Variants in CHRM3 observed in about 807,000 individuals in gnomAD.
The protein encoded by CHRM3 is muscarinic acetylcholine receptor M3.
A neutral mutation model predicts 41.8 loss-of-function variants in CHRM3; 11 were observed. The ratio of observed to expected loss-of-function variants is 0.26; its 90% CI spans 0.17 to 0.44. The LOEUF (loss-of-function observed/expected upper bound fraction) is 0.44, where lower values mean the gene tolerates loss of function less well. Ranked by LOEUF, CHRM3 falls within the 20% of genes least tolerant of loss-of-function variation. CHRM3 has a pLI of 1.00. For missense variants in CHRM3, 571 were observed against 745.4 expected (o/e 0.77, Z 2.72); for synonymous variants, 297 against 301.4 (o/e 0.99, Z 0.15).
chr1:239,616,024 T>C (rs914262594), intron 3 of CHRM3, among the ~76,000 whole-genome samples: 2 of 152,176 alleles, frequency 1.3e-5, no homozygotes, highest in African/African-American at 2.4e-5. Context: ...AATAGTGTTA[T>C]TTAAAACCAG....
chr1:239,456,125 C>G (rs1418778872), intron 1 of CHRM3, among the ~76,000 whole-genome samples: 3 of 152,082 alleles, frequency 2.0e-5, no homozygotes, highest in Admixed American at 1.3e-4. Context: ...TTCTTTGATA[C>G]TTTTTTTGAG....
intron 3 of CHRM3, among the ~76,000 whole-genome samples, chr1:239,601,079 T>G (rs757198393): frequency 2.6e-5 from 4 of 152,202 alleles, no homozygotes; most frequent in Admixed American, 6.5e-5. Flanking sequence ...AGGAATCCAG[T>G]GGAGAGGATT....
chr1:239,684,880 G>T (rs995940131), intron 5 of CHRM3, among the ~76,000 whole-genome samples: 1 of 152,092 alleles, frequency 6.6e-6, no homozygotes, highest in South Asian at 2.1e-4. Context: ...TTGGAGATTG[G>T]AGGGGAAAAG....
At chr1:239,440,387 C>T (rs1267017859) in intron 1 of CHRM3, among the ~76,000 whole-genome samples, 2 of 152,130 alleles carry the variant, frequency 1.3e-5, no homozygotes, top group Non-Finnish European at 2.9e-5. Flanking sequence ...CTTTGGGTGG[C>T]TGAGGCCGAT....
intron 5 of CHRM3, among the ~76,000 whole-genome samples, chr1:239,778,398 A>C (rs1025332028): frequency 6.6e-6 from 1 of 152,196 alleles, no homozygotes; most frequent in Non-Finnish European, 1.5e-5. Flanking sequence ...GAAATCTCCA[A>C]GTCATCACAT....
chr1:239,676,907 C>T (rs1303469353), intron 4 of CHRM3, among the ~76,000 whole-genome samples: 5 of 152,158 alleles, frequency 3.3e-5, no homozygotes, highest in Admixed American at 1.3e-4. Flanking sequence ...TCTGCCACAT[C>T]GTGTGCATAA....
chr1:239,618,281 T>TTC (rs1558382379), intron 3 of CHRM3, among the ~76,000 whole-genome samples: 2 of 140,540 alleles, frequency 1.4e-5, no homozygotes, highest in East Asian at 4.2e-4. Context: ...TTCTTTCTTT[T>TTC]TTTTTTTTTT....
intron 1 of CHRM3, among the ~76,000 whole-genome samples, chr1:239,403,359 T>A (rs532396432): frequency 6.6e-5 from 10 of 152,246 alleles, no homozygotes; most frequent in Non-Finnish European, 1.5e-4. Context: ...TCCTTGTTAC[T>A]GTTCCCTTTG....
At chr1:239,705,199 C>T (rs760030197) in intron 5 of CHRM3, 1 of 151,970 alleles carries the variant, frequency 6.6e-6, no homozygotes, top group African/African-American at 2.4e-5. Context: ...AGAGCAAGAC[C>T]CCGACTCAAA....
At chr1:239,417,696 A>G (rs1027705441) in intron 1 of CHRM3, among the ~76,000 whole-genome samples, 1 of 149,806 alleles carries the variant, frequency 6.7e-6, no homozygotes, top group African/African-American at 2.5e-5. Context: ...TCTTTCAAGT[A>G]TTCTTAATTT....
chr1:239,639,448 G>A (rs1670854972), intron 4 of CHRM3, among the ~76,000 whole-genome samples: 1 of 152,080 alleles, frequency 6.6e-6, no homozygotes, highest in Non-Finnish European at 1.5e-5. Flanking sequence ...ATTGAGCAGT[G>A]GTTTGTAGTT....
chr1:239,451,953 A>G (rs1279568503), intron 1 of CHRM3, among the ~76,000 whole-genome samples: 3 of 152,200 alleles, frequency 2.0e-5, no homozygotes. Context: ...TGCACTTTAA[A>G]CAGACTATGC....
At chr1:239,609,599 T>C (rs1348223369) in intron 3 of CHRM3, among the ~76,000 whole-genome samples, 1 of 152,234 alleles carries the variant, frequency 6.6e-6, no homozygotes, top group Non-Finnish European at 1.5e-5. Flanking sequence ...TATAGCATTT[T>C]ACATTTTCAG....
chr1:239,542,423 C>A (rs528885370), intron 2 of CHRM3, among the ~76,000 whole-genome samples: 1 of 152,228 alleles, frequency 6.6e-6, no homozygotes, highest in Non-Finnish European at 1.5e-5. Flanking sequence ...TATCTGGCAA[C>A]CATTTCCTAC....
At position 239,820,257 on chromosome 1, in the gene CHRM3, A is replaced by G; in HGVS notation, c.-146-6995A>G. Among the ~76,000 whole-genome samples the G allele has an allele frequency of 1.3e-5, 2 of 152,104 alleles. 1 individual carries two copies. The highest frequency in any genetic ancestry group is 2.9e-5 in the Non-Finnish European group (2 of 67,996). ...TGGTGCACAGACGCTTATACATACT[A>G]CTTCTTAGGGAAAGGGAGGTAGGAA... is the stretch of plus-strand genomic sequence containing the variant. On this transcript the variant is annotated intron_variant, in intron 5 of 6. Coordinates refer to ENST00000676153, the MANE Select transcript of CHRM3 (RefSeq NM_001375978.1).
At chr1:239,809,062 C>G (rs1251358420) in intron 5 of CHRM3, among the ~76,000 whole-genome samples, 1 of 144,592 alleles carries the variant, frequency 6.9e-6, no homozygotes, top group African/African-American at 2.6e-5. Flanking sequence ...CTCTGTCACC[C>G]AGGCTGGAGT....
Position 239,423,871 on chromosome 1 carries a change from C to T in CHRM3, c.-521+36644C>T, listed in dbSNP as rs367931942. ...GAGATCGAGACCATCCTGGCTAACA[C>T]GGTGAAACCCCATCTCTACTTGAAA... is the stretch of plus-strand genomic sequence containing the variant. On this transcript the variant is annotated intron_variant, in intron 1 of 6. Transcript: ENST00000676153. Among the ~76,000 whole-genome samples the T allele has an allele frequency of 1.8e-4, 28 of 151,856 alleles. No individual in the cohort carries two copies. In the East Asian group the frequency reaches 3.9e-3, roughly 21 times the overall value.
intron 1 of CHRM3, among the ~76,000 whole-genome samples, chr1:239,479,918 T>A (rs973047399): frequency 1.3e-5 from 2 of 152,170 alleles, no homozygotes; most frequent in African/African-American, 4.8e-5. Context: ...ATAAACATTG[T>A]CTACATAGGC....
intron 4 of CHRM3, among the ~76,000 whole-genome samples, chr1:239,637,410 A>T (rs1670575992): frequency 6.6e-6 from 1 of 151,988 alleles, no homozygotes; most frequent in Non-Finnish European, 1.5e-5. Flanking sequence ...CATATCACTG[A>T]ATATCTTCCT....
Sources: gnomAD v4.1 joint callset for allele counts (sites outside exome capture counted in the v4.1 genomes callset) on GRCh38, gnomAD v4.1.1 for gene constraint, MANE v1.5 for transcripts, NCBI Gene and HGNC (gene_info 2026-07-23, HGNC 2026-07-21) for gene names.